The following ELSPBP1 variants were observed in gnomAD, a reference collection of about 807,000 sequenced individuals.
ELSPBP1 encodes epididymal sperm-binding protein 1.
ELSPBP1 carries 38 observed loss-of-function variants against 33.3 expected under a neutral mutation model. That is an observed-to-expected ratio of 1.14 (90% confidence interval 0.88 to 1.50). The LOEUF is 1.50. Ranked by LOEUF, ELSPBP1 falls within the 40% of genes most tolerant of loss-of-function variation. The pLI, the probability that ELSPBP1 is intolerant of heterozygous loss-of-function variation, is 0.00. For missense variants in ELSPBP1, 267 were observed against 263.5 expected, an observed-to-expected ratio of 1.01 and a Z score of -0.09; for synonymous variants, 85 against 94.1, an observed-to-expected ratio of 0.90 and a Z score of 0.56.
chr19:47,996,978 A>G lies in ELSPBP1; in HGVS notation c.-18+2167A>G, dbSNP rs192384163. ...TTGTCTTAAGCATTTTGTATCTTTC[A>G]TCTAATTCAATCCTCCCAACAACTC... On this transcript the variant is annotated intron_variant, in intron 1 of 6. Transcript: ENST00000339841. 2.7e-4 allele frequency among the ~76,000 whole-genome samples: 41 copies of G among 152,238 alleles called. No individual in the cohort carries two copies. The East Asian group carries it at 6.4e-3, about 24-fold the overall frequency.
At chr19:48,016,539 C>T (rs183991402) in intron 4 of ELSPBP1, among the ~76,000 whole-genome samples, 22 of 116,168 alleles carry the variant, frequency 1.9e-4, no homozygotes, top group African/African-American at 6.2e-4. Flanking sequence ...TTCCTTCCTT[C>T]CTTCCTTCCT....
At chr19:48,019,616 G>C in intron 4 of ELSPBP1, 103 bp from the exon 5 acceptor site, 1 of 1,130,764 alleles carries the variant, frequency 8.8e-7, no homozygotes, top group Non-Finnish European at 1.3e-6. Flanking sequence ...CCAATGTGAC[G>C]TTGCCTTTAA....
At chr19:48,019,125 G>A (rs2122331114) in intron 4 of ELSPBP1, among the ~76,000 whole-genome samples, 1 of 152,308 alleles carries the variant, frequency 6.6e-6, no homozygotes, top group African/African-American at 2.4e-5. Flanking sequence ...CTGCACTCCA[G>A]CCTGGTTGAC....
chr19:48,015,824 T>C (rs1442510771), intron 3 of ELSPBP1, 69 bp from the exon 4 acceptor site: 6 of 1,432,860 alleles, frequency 4.2e-6, no homozygotes, highest in Non-Finnish European at 3.9e-6. Flanking sequence ...GGTTGATTGA[T>C]GATTAAATGA....
intron 3 of ELSPBP1, among the ~76,000 whole-genome samples, chr19:48,015,649 C>T (rs1452833927): frequency 6.6e-6 from 1 of 152,062 alleles, no homozygotes; most frequent in Non-Finnish European, 1.5e-5. Context: ...CAGAGTGAGA[C>T]TCTGTCTCGA....
chr19:48,016,568 CTCCCTTCA>C (rs1967144631), intron 4 of ELSPBP1, among the ~76,000 whole-genome samples: 1 of 50,602 alleles, frequency 2.0e-5, no homozygotes, highest in Non-Finnish European at 4.4e-5. Flanking sequence ...TCCTTCCTTC[CTCCCTTCA>C]TCTCTCTCTT....
intron 6 of ELSPBP1, among the ~76,000 whole-genome samples, chr19:48,024,567 G>C (rs1401529179): frequency 6.6e-6 from 1 of 152,132 alleles, no homozygotes; most frequent in East Asian, 1.9e-4. Context: ...TCCTGGAATA[G>C]AGGAGAGGGA....
At chr19:48,007,035 C>G (rs975798637) in intron 1 of ELSPBP1, among the ~76,000 whole-genome samples, 6 of 152,070 alleles carry the variant, frequency 3.9e-5, no homozygotes, top group African/African-American at 1.4e-4. Context: ...GATTTTGATT[C>G]CTGGCGGTAT....
At chr19:48,019,113 C>G (rs549014248) in intron 4 of ELSPBP1, among the ~76,000 whole-genome samples, 3 of 152,204 alleles carry the variant, frequency 2.0e-5, no homozygotes, top group African/African-American at 7.2e-5. Context: ...GAGATCGTAC[C>G]ACTGCACTCC....
At chr19:47,995,134 T>C (rs1289407809) in intron 1 of ELSPBP1, among the ~76,000 whole-genome samples, 1 of 152,212 alleles carries the variant, frequency 6.6e-6, no homozygotes, top group Non-Finnish European at 1.5e-5. Flanking sequence ...ACTTACAACA[T>C]AGAACAATTT....
chr19:48,016,519 TCTTTCTTTCTTCCTTCCTTCCTTC>T (rs1185973552), intron 4 of ELSPBP1, among the ~76,000 whole-genome samples: 23 of 62,090 alleles, frequency 3.7e-4, no homozygotes, highest in African/African-American at 1.2e-3. Flanking sequence ...TTTCTTTCTT[TCTTTCTTTCTTCCTTCCTTCCTTC>T]CTTCCTTCCT....
intron 1 of ELSPBP1, among the ~76,000 whole-genome samples, chr19:48,008,390 G>A (rs1469098551): frequency 6.6e-6 from 1 of 152,090 alleles, no homozygotes; most frequent in Admixed American, 6.6e-5. Context: ...ACACCACCAT[G>A]CCTGGCTAAT....
intron 1 of ELSPBP1, among the ~76,000 whole-genome samples, chr19:48,001,659 C>T: frequency 6.6e-6 from 1 of 152,102 alleles, no homozygotes; most frequent in Non-Finnish European, 1.5e-5. Flanking sequence ...CCTCCTGCCT[C>T]AGCCTCTTGA....
chr19:48,006,808 A>T (rs1218043913), intron 1 of ELSPBP1, among the ~76,000 whole-genome samples: 4 of 152,082 alleles, frequency 2.6e-5, no homozygotes, highest in Non-Finnish European at 5.9e-5. Context: ...GTAGTGAATG[A>T]GACATCACTC....
intron 2 of ELSPBP1, among the ~76,000 whole-genome samples, chr19:48,010,236 A>G (rs1226878463): frequency 1.3e-5 from 2 of 152,186 alleles, no homozygotes; most frequent in Admixed American, 1.3e-4. Flanking sequence ...AATTCCTGAA[A>G]GTTTAGGAAC....
At chr19:48,004,207 G>A (rs1421838840) in intron 1 of ELSPBP1, among the ~76,000 whole-genome samples, 1 of 151,958 alleles carries the variant, frequency 6.6e-6, no homozygotes, top group Non-Finnish European at 1.5e-5. Context: ...GCCTCCCAAG[G>A]TGCTGGGATT....
chr19:48,006,916 G>A (rs16982084), intron 1 of ELSPBP1, among the ~76,000 whole-genome samples: 1,958 of 152,230 alleles, frequency 0.013, 43 homozygotes, highest in African/African-American at 0.044. Flanking sequence ...GATGTGTAGC[G>A]GGAGAGCCAA....
chr19:48,008,559 A>G, intron 1 of ELSPBP1, 92 bp from the exon 2 acceptor site: 1 of 833,144 alleles, frequency 1.2e-6, no homozygotes. Flanking sequence ...TGTGGATGGA[A>G]AGAAAAATGG....
chr19:48,009,991 T>C (rs966523775), intron 2 of ELSPBP1, among the ~76,000 whole-genome samples: 6 of 152,100 alleles, frequency 3.9e-5, no homozygotes, highest in African/African-American at 1.4e-4. Flanking sequence ...GGAGAGGGTT[T>C]TTTGTTTGTT....
Sources: allele counts gnomAD v4.1 joint callset (sites outside exome capture counted in the v4.1 genomes callset), GRCh38; gene constraint gnomAD v4.1.1; transcripts MANE v1.5; gene names NCBI Gene and HGNC (gene_info 2026-07-23, HGNC 2026-07-21).